CAMK1D: variants seen among roughly 807,000 people sequenced by gnomAD.
CAMK1D encodes calcium/calmodulin dependent protein kinase ID.
A neutral mutation model predicts 47.7 loss-of-function variants in CAMK1D; 9 were observed. The ratio of observed to expected loss-of-function variants is 0.19; its 90% CI spans 0.11 to 0.33. CAMK1D has a LOEUF of 0.33. Among genes scored for constraint, CAMK1D ranks in the 10% least tolerant of loss-of-function variants. The pLI, the probability that CAMK1D is intolerant of heterozygous loss-of-function variation, is 1.00. For missense variants in CAMK1D, 291 were observed against 488.7 expected, an observed-to-expected ratio of 0.60 and a Z score of 3.81; for synonymous variants, 184 against 184.9, an observed-to-expected ratio of 0.99 and a Z score of 0.04.
intron 1 of CAMK1D, among the ~76,000 whole-genome samples, chr10:12,543,140 T>C (rs1471329204): frequency 6.6e-6 from 1 of 152,128 alleles, no homozygotes; most frequent in Non-Finnish European, 1.5e-5. Flanking sequence ...CTCCACTTCC[T>C]GGGTTCAAGT....
intron 3 of CAMK1D, among the ~76,000 whole-genome samples, chr10:12,700,602 C>T (rs572669762): frequency 1.6e-4 from 24 of 152,276 alleles, no homozygotes; most frequent in Admixed American, 7.8e-4. Context: ...ACTGTGCCTG[C>T]GGCCTGTTTC....
At chr10:12,669,247 ACCCC>A (rs1564479377) in intron 3 of CAMK1D, among the ~76,000 whole-genome samples, 27 of 151,444 alleles carry the variant, frequency 1.8e-4, no homozygotes, top group Admixed American at 1.2e-3. Flanking sequence ...AAACAAAAAA[ACCCC>A]ACAAAAAACC....
chr10:12,382,743 T>C (rs1838379710), intron 1 of CAMK1D, among the ~76,000 whole-genome samples: 1 of 152,128 alleles, frequency 6.6e-6, no homozygotes, highest in Non-Finnish European at 1.5e-5. Context: ...GAGAATCTTT[T>C]GAACTCGGGA....
chr10:12,378,418 ATT>A (rs71384317), intron 1 of CAMK1D, among the ~76,000 whole-genome samples: 23 of 142,798 alleles, frequency 1.6e-4, no homozygotes, highest in African/African-American at 3.3e-4. Flanking sequence ...GCAAACTTAA[ATT>A]TTTTTTTTTT....
intron 3 of CAMK1D, among the ~76,000 whole-genome samples, chr10:12,743,995 C>T (rs542913661): frequency 1.1e-3 from 161 of 151,346 alleles, no homozygotes; most frequent in Non-Finnish European, 1.9e-3. Context: ...TGCACTCCAG[C>T]CTGGGTAACA....
At chr10:12,641,619 C>CAAA (rs572283072) in intron 2 of CAMK1D, among the ~76,000 whole-genome samples, 81 of 127,632 alleles carry the variant, frequency 6.3e-4, no homozygotes, top group African/African-American at 2.1e-3. Flanking sequence ...ATCCCCATCT[C>CAAA]AAAAAAAAAA....
intron 1 of CAMK1D, among the ~76,000 whole-genome samples, chr10:12,418,363 G>A (rs1380334134): frequency 1.3e-5 from 2 of 152,228 alleles, no homozygotes; most frequent in Non-Finnish European, 2.9e-5. Context: ...CCAGCACTTT[G>A]GGAGGCTGAG....
At chr10:12,711,836 C>T (rs527831990) in intron 3 of CAMK1D, among the ~76,000 whole-genome samples, 41 of 152,300 alleles carry the variant, frequency 2.7e-4, no homozygotes, top group African/African-American at 8.9e-4. Flanking sequence ...GATGATCAAA[C>T]GTTCGTTTTT....
At chr10:12,812,335 G>T (rs1040280909) in intron 6 of CAMK1D, among the ~76,000 whole-genome samples, 1 of 152,216 alleles carries the variant, frequency 6.6e-6, no homozygotes, top group Non-Finnish European at 1.5e-5. Context: ...CCCACCATGG[G>T]CCGGGCTCAG....
intron 2 of CAMK1D, among the ~76,000 whole-genome samples, chr10:12,600,558 A>T (rs1359353779): frequency 1.3e-5 from 2 of 152,234 alleles, no homozygotes; most frequent in African/African-American, 4.8e-5. Flanking sequence ...GCAACCAAGA[A>T]GTCCGATAAT....
chr10:12,819,377 G>C (rs955405180), intron 8 of CAMK1D, among the ~76,000 whole-genome samples: 2 of 152,218 alleles, frequency 1.3e-5, no homozygotes, highest in African/African-American at 4.8e-5. Flanking sequence ...GAGGACGCAG[G>C]AGACAGGAAA....
intron 3 of CAMK1D, among the ~76,000 whole-genome samples, chr10:12,723,971 C>T (rs1416623271): frequency 6.6e-6 from 1 of 152,126 alleles, no homozygotes; most frequent in Non-Finnish European, 1.5e-5. Flanking sequence ...CAGATGTTCT[C>T]ATTGTTCAAT....
At chr10:12,366,287 T>A (rs1837831732) in intron 1 of CAMK1D, among the ~76,000 whole-genome samples, 1 of 152,162 alleles carries the variant, frequency 6.6e-6, no homozygotes, top group South Asian at 2.1e-4. Context: ...AAGAAGAACT[T>A]AAAATTAGAA....
intron 1 of CAMK1D, among the ~76,000 whole-genome samples, chr10:12,361,638 C>T (rs1178607902): frequency 6.7e-6 from 1 of 149,076 alleles, no homozygotes; most frequent in African/African-American, 2.5e-5. Flanking sequence ...TCACGGAAAC[C>T]TCTGCCTCCT....
chr10:12,793,880 G>A (rs1838084825), intron 6 of CAMK1D, among the ~76,000 whole-genome samples: 1 of 152,226 alleles, frequency 6.6e-6, no homozygotes, highest in Non-Finnish European at 1.5e-5. Flanking sequence ...TGGAAAGAGG[G>A]CCAGCATGGC....
chr10:12,518,683 A>G (rs1444444716), intron 1 of CAMK1D, among the ~76,000 whole-genome samples: 1 of 91,664 alleles, frequency 1.1e-5, no homozygotes, highest in Non-Finnish European at 2.3e-5. Context: ...GGGAGTGGTG[A>G]TGACTCTTAA....
intron 1 of CAMK1D, among the ~76,000 whole-genome samples, chr10:12,426,801 A>C (rs1029333107): frequency 7.3e-5 from 11 of 151,716 alleles, no homozygotes; most frequent in African/African-American, 2.7e-4. Flanking sequence ...TGCAACCTCC[A>C]CCTCCGGGGT....
chr10:12,747,815 A>T (rs78026097), intron 3 of CAMK1D, among the ~76,000 whole-genome samples: 2 of 152,094 alleles, frequency 1.3e-5, no homozygotes, highest in Non-Finnish European at 2.9e-5. Context: ...GAAAAAGCCA[A>T]TGTCCCAGCT....
intron 1 of CAMK1D, among the ~76,000 whole-genome samples, chr10:12,511,454 TA>T (rs1835036782): frequency 4.0e-5 from 6 of 151,712 alleles, no homozygotes; most frequent in African/African-American, 1.2e-4. Flanking sequence ...AAATAATAAA[TA>T]AACAAATTGG....
Sources: allele counts gnomAD v4.1 joint callset (sites outside exome capture counted in the v4.1 genomes callset), GRCh38; gene constraint gnomAD v4.1.1; transcripts MANE v1.5; gene names NCBI Gene and HGNC (gene_info 2026-07-23, HGNC 2026-07-21).